RBFOX1: variants seen among roughly 807,000 people sequenced by gnomAD.
RBFOX1 encodes RNA binding fox-1 homolog 1.
A neutral mutation model predicts 57.7 loss-of-function variants in RBFOX1; 8 were observed. That is an observed-to-expected ratio of 0.14 (90% CI 0.08 to 0.25). The LOEUF (loss-of-function observed/expected upper bound fraction) is 0.25. Ranked by LOEUF, RBFOX1 falls within the 10% of genes least tolerant of loss-of-function variation. RBFOX1 has a pLI of 1.00. For missense variants in RBFOX1, 611 were observed against 548.5 expected, an observed-to-expected ratio of 1.11 and a Z score of -1.14; for synonymous variants, 326 against 222.4, an observed-to-expected ratio of 1.47 and a Z score of -4.15.
At chr16:7,208,891 A>G (rs1045608985) in intron 4 of RBFOX1, among the ~76,000 whole-genome samples, 1 of 152,068 alleles carries the variant, frequency 6.6e-6, no homozygotes, top group African/African-American at 2.4e-5. Context: ...AAGGACTAAG[A>G]GAGCAAGAAT....
intron 4 of RBFOX1, among the ~76,000 whole-genome samples, chr16:7,158,439 A>T (rs2077589448): frequency 6.6e-6 from 1 of 152,180 alleles, no homozygotes; most frequent in Non-Finnish European, 1.5e-5. Flanking sequence ...ACAGACATTG[A>T]TACCACCTAC....
intron 3 of RBFOX1, among the ~76,000 whole-genome samples, chr16:5,824,692 G>A (rs1443672350): frequency 6.6e-6 from 1 of 152,218 alleles, no homozygotes; most frequent in Non-Finnish European, 1.5e-5. Flanking sequence ...TGCCTTTGCA[G>A]GGCATCTGAG....
intron 4 of RBFOX1, among the ~76,000 whole-genome samples, chr16:7,456,514 C>T (rs1001349426): frequency 2.6e-5 from 4 of 152,208 alleles, no homozygotes; most frequent in African/African-American, 9.6e-5. Context: ...TTGCAAGTCC[C>T]TCTATGCTTT....
At chr16:5,612,096 C>CATTG (rs1020264698) in intron 3 of RBFOX1, among the ~76,000 whole-genome samples, 1 of 122,006 alleles carries the variant, frequency 8.2e-6, no homozygotes, top group Admixed American at 1.1e-4. Flanking sequence ...CCATCCATCC[C>CATTG]ATTCATTCAT....
intron 4 of RBFOX1, among the ~76,000 whole-genome samples, chr16:7,101,566 A>G (rs933520410): frequency 6.6e-6 from 1 of 152,170 alleles, no homozygotes; most frequent in Non-Finnish European, 1.5e-5. Flanking sequence ...CACATATTGA[A>G]CAGTGGTGCT....
At chr16:7,174,712 G>C (rs547860399) in intron 4 of RBFOX1, among the ~76,000 whole-genome samples, 1 of 152,162 alleles carries the variant, frequency 6.6e-6, no homozygotes, top group Non-Finnish European at 1.5e-5. Context: ...CGCGAGAGGC[G>C]GAGATTGCAG....
chr16:5,950,324 T>C (rs545785303), intron 4 of RBFOX1, among the ~76,000 whole-genome samples: 22 of 152,308 alleles, frequency 1.4e-4, no homozygotes, highest in Admixed American at 7.2e-4. Context: ...GGGCTGATAT[T>C]GAGACGATGT....
At chr16:5,310,246 A>G (rs574774419) in intron 1 of RBFOX1, among the ~76,000 whole-genome samples, 1 of 152,154 alleles carries the variant, frequency 6.6e-6, no homozygotes, top group African/African-American at 2.4e-5. Context: ...TACAAAAAAT[A>G]CAAAAATTAG....
chr16:6,245,177 C>T (rs1275042177), intron 1 of RBFOX1, among the ~76,000 whole-genome samples: 2 of 152,088 alleles, frequency 1.3e-5, no homozygotes, highest in South Asian at 2.1e-4. Flanking sequence ...ATGAATAATG[C>T]ACTTTTTAAC....
chr16:7,533,109 T>C (rs984913128), intron 5 of RBFOX1, among the ~76,000 whole-genome samples: 1 of 152,230 alleles, frequency 6.6e-6, no homozygotes, highest in Non-Finnish European at 1.5e-5. Flanking sequence ...GCACTGCCTG[T>C]AGGGTTTTAC....
intron 2 of RBFOX1, among the ~76,000 whole-genome samples, chr16:6,527,178 A>G (rs753542942): frequency 1.3e-5 from 2 of 152,212 alleles, no homozygotes; most frequent in Non-Finnish European, 2.9e-5. Flanking sequence ...GATATAGGGA[A>G]AAAGTAAGTC....
At chr16:7,410,167 A>G (rs1297338136) in intron 4 of RBFOX1, among the ~76,000 whole-genome samples, 1 of 147,684 alleles carries the variant, frequency 6.8e-6, no homozygotes, top group Non-Finnish European at 1.5e-5. Context: ...GCGCAACTTA[A>G]TAATTGTACA....
intron 3 of RBFOX1, among the ~76,000 whole-genome samples, chr16:5,802,486 G>T (rs2055090491): frequency 6.6e-6 from 1 of 152,088 alleles, no homozygotes; most frequent in Non-Finnish European, 1.5e-5. Context: ...GTGATTCTTG[G>T]CCCTTCCCTC....
intron 3 of RBFOX1, among the ~76,000 whole-genome samples, chr16:6,963,314 T>A (rs1368535075): frequency 1.3e-5 from 2 of 152,194 alleles, no homozygotes; most frequent in Non-Finnish European, 2.9e-5. Context: ...CTTGTTGTTT[T>A]AAAATAAGTG....
At chr16:5,771,474 T>C (rs1325314926) in intron 3 of RBFOX1, among the ~76,000 whole-genome samples, 1 of 152,234 alleles carries the variant, frequency 6.6e-6, no homozygotes, top group Non-Finnish European at 1.5e-5. Flanking sequence ...AGTAGAATGA[T>C]CTCAGTTCAT....
intron 3 of RBFOX1, among the ~76,000 whole-genome samples, chr16:6,923,724 C>A (rs55720259): frequency 0.27 from 41,097 of 151,876 alleles, 5,606 homozygotes; most frequent in Middle Eastern, 0.35. Context: ...AGTAGAAGGC[C>A]AGCAAAGTGG....
intron 4 of RBFOX1, among the ~76,000 whole-genome samples, chr16:7,390,760 T>C (rs1306485718): frequency 6.6e-6 from 1 of 152,194 alleles, no homozygotes; most frequent in East Asian, 1.9e-4. Context: ...TTTTTTTCAA[T>C]AGGACAGAAA....
chr16:7,143,597 C>G (rs1212905520), intron 4 of RBFOX1, among the ~76,000 whole-genome samples: 3 of 152,132 alleles, frequency 2.0e-5, no homozygotes, highest in South Asian at 2.1e-4. Context: ...CTCCTTCTCA[C>G]TCACCCTTTT....
At chr16:6,707,321 C>G (rs1163034784) in intron 3 of RBFOX1, among the ~76,000 whole-genome samples, 1 of 152,138 alleles carries the variant, frequency 6.6e-6, no homozygotes, top group Non-Finnish European at 1.5e-5. Flanking sequence ...CTCTCCTCCT[C>G]TAGGTAACAC....
Sources: gnomAD v4.1 joint callset for allele counts (sites outside exome capture counted in the v4.1 genomes callset) on GRCh38, gnomAD v4.1.1 for gene constraint, MANE v1.5 for transcripts, NCBI Gene and HGNC (gene_info 2026-07-23, HGNC 2026-07-21) for gene names.